BCKDHB: variants seen among roughly 807,000 people sequenced by gnomAD.
BCKDHB encodes 2-oxoisovalerate dehydrogenase subunit beta, mitochondrial.
Under a neutral mutation model 48.5 loss-of-function variants are expected in BCKDHB, and 41 were observed. The ratio of observed to expected loss-of-function variants is 0.85; its 90% CI spans 0.66 to 1.10. The LOEUF is 1.10. Among genes scored for constraint, BCKDHB ranks in the 50% least tolerant of loss-of-function variants. The probability of loss-of-function intolerance (pLI) is 0.00; values close to 1 mark genes in which losing one functional copy is unlikely to be tolerated. For synonymous variants in BCKDHB, 201 were observed against 174.8 expected (o/e 1.15, Z -1.18); for missense variants, 496 against 494.2 (o/e 1.00, Z -0.03).
chr6:80,408,439 C>CT, the BCKDHB span, among the ~76,000 whole-genome samples: 5 of 151,674 alleles, frequency 3.3e-5, no homozygotes, highest in Admixed American at 6.6e-5. Flanking sequence ...TTACCAGCTC[C>CT]TTTTTTTTAA....
chr6:80,409,209 T>G, the BCKDHB span, among the ~76,000 whole-genome samples: 8 of 152,282 alleles, frequency 5.3e-5, no homozygotes, highest in Non-Finnish European at 1.2e-4. Context: ...TTCTTAATCC[T>G]GAGTTCTAGT....
the BCKDHB span, among the ~76,000 whole-genome samples, chr6:80,370,836 GTGTT>G: frequency 6.6e-6 from 1 of 151,444 alleles, no homozygotes; most frequent in Non-Finnish European, 1.5e-5. Context: ...GTGTGTGTGT[GTGTT>G]TGTGTGTGTG....
chr6:80,433,007 G>T, the BCKDHB span, among the ~76,000 whole-genome samples: 1 of 152,152 alleles, frequency 6.6e-6, no homozygotes, highest in Non-Finnish European at 1.5e-5. Context: ...GAACAGCAAA[G>T]ATTGCTTCCT....
intron 6 of BCKDHB, among the ~76,000 whole-genome samples, chr6:80,174,299 A>C (rs150332070): frequency 1.6e-3 from 245 of 152,260 alleles, no homozygotes; most frequent in Non-Finnish European, 2.7e-3. Flanking sequence ...CATTTATATA[A>C]AAATAATTGG....
the BCKDHB span, among the ~76,000 whole-genome samples, chr6:80,365,735 A>T: frequency 7.0e-6 from 1 of 141,954 alleles, no homozygotes; most frequent in African/African-American, 2.5e-5. Flanking sequence ...GCTTATGAAG[A>T]TAACAGGATT....
the BCKDHB span, among the ~76,000 whole-genome samples, chr6:80,368,391 A>G: frequency 1.1e-4 from 16 of 152,228 alleles, no homozygotes; most frequent in African/African-American, 3.9e-4. Flanking sequence ...CTGCAGTTAC[A>G]ATTTGTAAGA....
intron 9 of BCKDHB, among the ~76,000 whole-genome samples, chr6:80,341,427 G>A (rs1188850462): frequency 6.6e-6 from 1 of 152,108 alleles, no homozygotes; most frequent in African/African-American, 2.4e-5. Context: ...TCACCTCCTT[G>A]TCATTCCCAG....
At chr6:80,391,201 C>T in the BCKDHB span, among the ~76,000 whole-genome samples, 1 of 64,016 alleles carries the variant, frequency 1.6e-5, no homozygotes, top group Non-Finnish European at 4.6e-5. Flanking sequence ...GTGTGTGTCT[C>T]CTATTAGTTC....
At chr6:80,222,836 C>T (rs567241000) in intron 8 of BCKDHB, among the ~76,000 whole-genome samples, 3 of 152,296 alleles carry the variant, frequency 2.0e-5, no homozygotes, top group Non-Finnish European at 2.9e-5. Context: ...TATAAAAGCA[C>T]ATACATTTAG....
chr6:80,459,128 G>T, the BCKDHB span, among the ~76,000 whole-genome samples: 1 of 151,982 alleles, frequency 6.6e-6, no homozygotes, highest in Non-Finnish European at 1.5e-5. Flanking sequence ...CTCACTTCTG[G>T]GTATTTATCC....
the BCKDHB span, among the ~76,000 whole-genome samples, chr6:80,423,061 C>T: frequency 3.5e-4 from 53 of 152,290 alleles, no homozygotes; most frequent in South Asian, 0.011. Flanking sequence ...GTAATCCCCA[C>T]ATGTCGAGGG....
At chr6:80,243,007 A>C (rs188866612) in intron 8 of BCKDHB, among the ~76,000 whole-genome samples, 1 of 152,124 alleles carries the variant, frequency 6.6e-6, no homozygotes, top group Non-Finnish European at 1.5e-5. Context: ...CTATCTCTCA[A>C]TTGGGGTTAA....
chr6:80,418,263 T>C, the BCKDHB span, among the ~76,000 whole-genome samples: 2 of 152,148 alleles, frequency 1.3e-5, no homozygotes, highest in African/African-American at 2.4e-5. Context: ...TTTGTTCCTA[T>C]CCATATTCTA....
chr6:80,255,525 G>A (rs182837622), intron 8 of BCKDHB, among the ~76,000 whole-genome samples: 47 of 152,154 alleles, frequency 3.1e-4, no homozygotes, highest in African/African-American at 9.9e-4. Flanking sequence ...AAAAAAATTC[G>A]GATCACCGCT....
chr6:80,217,875 G>A (rs954719243), intron 8 of BCKDHB, among the ~76,000 whole-genome samples: 19 of 152,224 alleles, frequency 1.2e-4, no homozygotes, highest in African/African-American at 4.1e-4. Context: ...TTTTTAACCA[G>A]AGTCAGGAAG....
the BCKDHB span, among the ~76,000 whole-genome samples, chr6:80,463,589 C>G: frequency 1.3e-5 from 2 of 149,922 alleles, no homozygotes; most frequent in African/African-American, 4.9e-5. Flanking sequence ...TTTCAATATA[C>G]TTTTTTTTTT....
intron 1 of BCKDHB, chr6:80,127,324 T>A: frequency 2.0e-6 from 1 of 509,994 alleles, no homozygotes; most frequent in Non-Finnish European, 3.5e-6. Context: ...TTTTATACTT[T>A]TACAAAAAAT....
At chr6:80,301,260 A>G (rs1160852334) in intron 9 of BCKDHB, among the ~76,000 whole-genome samples, 4 of 152,186 alleles carry the variant, frequency 2.6e-5, no homozygotes, top group Non-Finnish European at 5.9e-5. Context: ...TCGTTCTTCA[A>G]AAAAACAATA....
chr6:80,196,366 G>A (rs1461839933), intron 6 of BCKDHB, among the ~76,000 whole-genome samples: 1 of 151,942 alleles, frequency 6.6e-6, no homozygotes, highest in Admixed American at 6.6e-5. Context: ...CTGTCTCTAA[G>A]ACCCACAGCA....
Sources: allele counts gnomAD v4.1 joint callset (sites outside exome capture counted in the v4.1 genomes callset), GRCh38; gene constraint gnomAD v4.1.1; transcripts MANE v1.5; gene names NCBI Gene and HGNC (gene_info 2026-07-23, HGNC 2026-07-21).